The following CACHD1 variants were observed in gnomAD, a reference collection of about 807,000 sequenced individuals.
CACHD1 encodes the protein VWFA and cache domain-containing protein 1.
Under a neutral mutation model 138.7 loss-of-function variants are expected in CACHD1, and 71 were observed. The observed-to-expected ratio is 0.51, with a 90% CI of 0.42 to 0.62. The LOEUF is 0.62. Ranked by LOEUF, CACHD1 falls within the 20% of genes least tolerant of loss-of-function variation. The probability of loss-of-function intolerance (pLI) is 0.00; values close to 1 mark genes in which losing one functional copy is unlikely to be tolerated. For missense variants in CACHD1, 1,389 were observed against 1,625.3 expected (o/e 0.85, Z 2.50); for synonymous variants, 578 against 591.5 (o/e 0.98, Z 0.33).
intron 4 of CACHD1, among the ~76,000 whole-genome samples, chr1:64,606,227 A>G (rs115362921): frequency 0.014 from 2,191 of 152,254 alleles, 26 homozygotes; most frequent in Non-Finnish European, 0.021. Flanking sequence ...ATCAAGGAAA[A>G]GTAAAGCAGA....
At chr1:64,545,407 T>C (rs1646710887) in intron 1 of CACHD1, among the ~76,000 whole-genome samples, 1 of 152,226 alleles carries the variant, frequency 6.6e-6, no homozygotes, top group African/African-American at 2.4e-5. Context: ...ATCCTGACTT[T>C]TAACAGGCTA....
rs1056876046 is a variant in CACHD1, at chr1:64,642,021, A to T, written c.1156+52A>T. On this transcript the variant is annotated intron_variant, in intron 8 of 26. Coordinates refer to ENST00000651257, the MANE Select transcript of CACHD1 (RefSeq NM_020925.4). The stretch of plus-strand genomic sequence containing the variant: ...TCAGATCAAAGATCCCTCTAAGTGT[A>T]TGCTGCTTTAAAAAGAAGAAAAAGA... 2.1e-6 allele frequency: 3 copies of T among 1,405,086 alleles called. No individual in the cohort carries two copies. In the African/African-American group the frequency reaches 4.5e-5, roughly 21 times the overall value. 87.0% of individuals were successfully genotyped at this position (1,405,086 alleles called of 1,614,324 possible).
intron 2 of CACHD1, among the ~76,000 whole-genome samples, chr1:64,576,255 T>G (rs1646966493): frequency 6.6e-6 from 1 of 152,248 alleles, no homozygotes; most frequent in Non-Finnish European, 1.5e-5. Context: ...GGTCCACCTG[T>G]AGCTTTCTGT....
At chr1:64,596,107 C>T (rs1025193322) in intron 3 of CACHD1, among the ~76,000 whole-genome samples, 3 of 152,050 alleles carry the variant, frequency 2.0e-5, no homozygotes, top group Non-Finnish European at 4.4e-5. Flanking sequence ...TAAACTCAGT[C>T]GAGGGGGGGG....
chr1:64,666,972 A>G (rs1047306085), intron 16 of CACHD1, among the ~76,000 whole-genome samples: 1 of 151,858 alleles, frequency 6.6e-6, no homozygotes, highest in Non-Finnish European at 1.5e-5. Context: ...TTCTTCTTTA[A>G]AAAAAAATTG....
At chr1:64,620,215 T>C (rs1647859750) in intron 4 of CACHD1, among the ~76,000 whole-genome samples, 1 of 152,192 alleles carries the variant, frequency 6.6e-6, no homozygotes, top group Non-Finnish European at 1.5e-5. Flanking sequence ...CTGTGAACTT[T>C]TGTTAATATA....
chr1:64,532,884 G>A (rs2100407165), intron 1 of CACHD1, among the ~76,000 whole-genome samples: 2 of 152,284 alleles, frequency 1.3e-5, no homozygotes, highest in South Asian at 4.1e-4. Context: ...GTAAAGTAGT[G>A]GTACTAGTAG....
intron 4 of CACHD1, among the ~76,000 whole-genome samples, chr1:64,617,512 C>T (rs1046871163): frequency 6.6e-6 from 1 of 152,106 alleles, no homozygotes; most frequent in Non-Finnish European, 1.5e-5. Flanking sequence ...AAAATGGACA[C>T]AAAGAGCTAT....
intron 1 of CACHD1, among the ~76,000 whole-genome samples, chr1:64,543,411 A>ATATATATATATG (rs1553131389): frequency 3.2e-4 from 46 of 144,234 alleles, no homozygotes; most frequent in African/African-American, 1.0e-3. Context: ...ACATATATAT[A>ATATATATATATG]TATATATATA....
In CACHD1 at chr1:64,691,684, G is replaced by GT; in HGVS notation, c.*126dup. 1 of 803,360 alleles carries GT rather than the reference G, an allele frequency of 1.2e-6. No homozygotes were observed. The highest frequency in any genetic ancestry group is 2.0e-6 in the Non-Finnish European group (1 of 506,202). 49.8% of individuals were successfully genotyped at this position (803,360 alleles called of 1,614,324 possible). ...TTGTGTTTGTGCTTTGTGCAGAGTT[G>GT]TTTGAGTCATTTCCTGCCTGTCGAC... On this transcript the variant is annotated 3_prime_UTR_variant, in exon 27 of 27. Coordinates refer to ENST00000651257, the MANE Select transcript of CACHD1 (RefSeq NM_020925.4).
intron 1 of CACHD1, among the ~76,000 whole-genome samples, chr1:64,531,945 A>T (rs1418464078): frequency 6.6e-6 from 1 of 152,244 alleles, no homozygotes; most frequent in Non-Finnish European, 1.5e-5. Context: ...TATACTGTGA[A>T]TTGAAAGATG....
chr1:64,616,576 T>C (rs1647715554), intron 4 of CACHD1, among the ~76,000 whole-genome samples: 1 of 152,120 alleles, frequency 6.6e-6, no homozygotes, highest in Non-Finnish European at 1.5e-5. Context: ...AAGAGGTAGT[T>C]GAGTATCAGA....
At chr1:64,645,829 C>T (rs1648883063) in intron 8 of CACHD1, among the ~76,000 whole-genome samples, 1 of 152,144 alleles carries the variant, frequency 6.6e-6, no homozygotes, top group South Asian at 2.1e-4. Flanking sequence ...CAAACTGGAG[C>T]ATTCTGGCCC....
At chr1:64,687,534 T>A (rs1054633639) in intron 26 of CACHD1, among the ~76,000 whole-genome samples, 1 of 152,114 alleles carries the variant, frequency 6.6e-6, no homozygotes, top group Admixed American at 6.5e-5. Context: ...CATCCTGAGA[T>A]GAAGAGATGG....
At chr1:64,599,831 C>T (rs1647195900) in intron 3 of CACHD1, among the ~76,000 whole-genome samples, 1 of 152,130 alleles carries the variant, frequency 6.6e-6, no homozygotes, top group African/African-American at 2.4e-5. Context: ...CAGCATTGGA[C>T]TTCAGCTCTC....
intron 12 of CACHD1, 62 bp downstream of exon 12, chr1:64,654,865 T>C: frequency 7.9e-7 from 1 of 1,270,390 alleles, no homozygotes; most frequent in Non-Finnish European, 1.1e-6. Flanking sequence ...TTCTTCATGT[T>C]GGAATTCTCA....
Position 64,654,659 on chromosome 1 carries a change from AATATTTAATTCTGTTTGC to A in CACHD1, c.1665-26_1665-9del. On this transcript the variant is annotated splice_polypyrimidine_tract_variant and intron_variant, in intron 11 of 26. Coordinates refer to ENST00000651257, the MANE Select transcript of CACHD1 (RefSeq NM_020925.4). ...GTGCTTAATTTTATCTTTTGCCTGA[AATATTTAATTCTGTTTGC>A]CAACACAGCCTCCCTCTGGGCAGCC... 1 of 1,534,208 alleles carries A rather than the reference AATATTTAATTCTGTTTGC, an allele frequency of 6.5e-7. No individual in the cohort carries two copies.
chr1:64,642,370 C>T (rs912964019), intron 8 of CACHD1, among the ~76,000 whole-genome samples: 2 of 152,184 alleles, frequency 1.3e-5, no homozygotes, highest in Non-Finnish European at 1.5e-5. Flanking sequence ...GTGAATATCA[C>T]ATTTTCCTGC....
intron 1 of CACHD1, among the ~76,000 whole-genome samples, chr1:64,482,322 C>T (rs1039792259): frequency 3.3e-5 from 5 of 152,118 alleles, no homozygotes; most frequent in Non-Finnish European, 7.3e-5. Flanking sequence ...TAACACAATC[C>T]GCTTTAATTG....
Sources: gnomAD v4.1 joint callset for allele counts (sites outside exome capture counted in the v4.1 genomes callset) on GRCh38, gnomAD v4.1.1 for gene constraint, MANE v1.5 for transcripts, NCBI Gene and HGNC (gene_info 2026-07-23, HGNC 2026-07-21) for gene names.